The following PLCB1 variants were observed in gnomAD, a reference collection of about 807,000 sequenced individuals.
PLCB1 encodes the protein 1-phosphatidylinositol 4,5-bisphosphate phosphodiesterase beta-1.
Under a neutral mutation model 161.8 loss-of-function variants are expected in PLCB1, and 46 were observed. The ratio of observed to expected loss-of-function variants is 0.28; its 90% CI spans 0.22 to 0.36. PLCB1 has a LOEUF of 0.36. Among genes scored for constraint, PLCB1 ranks in the 10% least tolerant of loss-of-function variants. The pLI, the probability that PLCB1 is intolerant of heterozygous loss-of-function variation, is 1.00. For synonymous variants in PLCB1, 517 were observed against 503.7 expected (o/e 1.03, Z -0.35); for missense variants, 1,016 against 1,472.5 (o/e 0.69, Z 5.07).
chr20:8,365,305 T>G (rs1986673755), intron 2 of PLCB1, among the ~76,000 whole-genome samples: 1 of 152,216 alleles, frequency 6.6e-6, no homozygotes, highest in Admixed American at 6.5e-5. Context: ...ATTTGCACTA[T>G]ATTAAATCTA....
chr20:8,539,856 C>G (rs1985237753), intron 3 of PLCB1, among the ~76,000 whole-genome samples: 1 of 151,360 alleles, frequency 6.6e-6, no homozygotes, highest in South Asian at 2.1e-4. Context: ...ATAAAACACA[C>G]TGGTGGAAAT....
rs765432053 is a variant in PLCB1 at position 8,722,441 on chromosome 20, G to T, written c.1581+20G>T. ...GATGAGGTGGGTACTTAGGGCTTCT[G>T]GTCCCTAAGGCATTCCACCACCCTG... is the stretch of plus-strand genomic sequence containing the variant. On this transcript the variant is annotated intron_variant, in intron 15 of 31. Transcript: ENST00000338037. The T allele has an allele frequency of 3.8e-6, 6 of 1,574,554 alleles. No homozygotes were observed. The South Asian group carries it at 6.8e-5, about 18-fold the overall frequency.
At position 8,539,659 on chromosome 20, in the gene PLCB1, T is replaced by G. The variant is rs534668011; in HGVS notation, c.247-88635T>G. Among the ~76,000 whole-genome samples the G allele has an allele frequency of 4.3e-5, 4 of 93,906 alleles. No homozygotes were observed. In the South Asian group the frequency reaches 1.6e-3, roughly 38 times the overall value. The allele number at this position is 93,906 out of a possible 152,430, so 61.6% of individuals were successfully genotyped here. ...TTCTTTCTTTCTTTCTTTCTTTCTTTCTTTCTTTCTTTCTTTCTTTCTTTC... is the reference window on the plus strand; with the variant it reads ...TTCTTTCTTTCTTTCTTTCTTTCTTGCTTTCTTTCTTTCTTTCTTTCTTTC... On this transcript the variant is annotated intron_variant, in intron 3 of 31. Coordinates refer to ENST00000338037, the MANE Select transcript of PLCB1 (RefSeq NM_015192.4).
At chr20:8,776,121 A>C (rs2146205529) in intron 27 of PLCB1, among the ~76,000 whole-genome samples, 1 of 152,310 alleles carries the variant, frequency 6.6e-6, no homozygotes, top group South Asian at 2.1e-4. Context: ...GAACATAATA[A>C]AAATTAAAAT....
intron 3 of PLCB1, among the ~76,000 whole-genome samples, chr20:8,420,382 A>G (rs1979488676): frequency 6.6e-6 from 1 of 152,216 alleles, no homozygotes; most frequent in Non-Finnish European, 1.5e-5. Flanking sequence ...ATAAATACAT[A>G]TATTTTTTAA....
chr20:8,570,697 G>A (rs2103653), intron 3 of PLCB1, among the ~76,000 whole-genome samples: 5,491 of 88,306 alleles, frequency 0.062, 42 homozygotes, highest in Middle Eastern at 0.083. Context: ...CTGATCTCAC[G>A]GAGCTGAAAT....
At chr20:8,276,974 C>A (rs373051617) in intron 2 of PLCB1, among the ~76,000 whole-genome samples, 4,848 of 100,318 alleles carry the variant, frequency 0.048, 135 homozygotes, top group Middle Eastern at 0.091. Context: ...TCTTCTTCTT[C>A]TTCTTCTTCT....
chr20:8,868,484 A>G (rs1987502749), intron 31 of PLCB1, among the ~76,000 whole-genome samples: 1 of 152,244 alleles, frequency 6.6e-6, no homozygotes, highest in Admixed American at 6.5e-5. Flanking sequence ...TGAAAGGAAA[A>G]CACATTGGAA....
chr20:8,371,980 T>C (rs1485373431), intron 3 of PLCB1: 1 of 152,274 alleles, frequency 6.6e-6, no homozygotes, highest in Non-Finnish European at 1.5e-5. Flanking sequence ...ACTGAAGAAA[T>C]ATTCAAAGAA....
chr20:8,309,621 A>G (rs1468144703), intron 2 of PLCB1, among the ~76,000 whole-genome samples: 1 of 152,186 alleles, frequency 6.6e-6, no homozygotes, highest in East Asian at 1.9e-4. Context: ...TAAGTCTCCT[A>G]GTTCAGAATC....
chr20:8,662,824 T>G (rs1194289646), intron 9 of PLCB1, among the ~76,000 whole-genome samples: 1 of 151,840 alleles, frequency 6.6e-6, no homozygotes. Context: ...GATTTCTTCC[T>G]GTAGGGGACA....
chr20:8,448,019 C>T (rs1290630434), intron 3 of PLCB1, among the ~76,000 whole-genome samples: 1 of 152,194 alleles, frequency 6.6e-6, no homozygotes, highest in Admixed American at 6.5e-5. Context: ...ATTGACAATC[C>T]TACATATATT....
intron 31 of PLCB1, among the ~76,000 whole-genome samples, chr20:8,846,798 A>G (rs1986705302): frequency 6.6e-6 from 1 of 152,196 alleles, no homozygotes; most frequent in Non-Finnish European, 1.5e-5. Flanking sequence ...GGCCAGGGCA[A>G]GTCTGCTTCC....
chr20:8,373,493 C>A (rs1275463369), intron 3 of PLCB1, among the ~76,000 whole-genome samples: 13 of 152,106 alleles, frequency 8.5e-5, no homozygotes, highest in Non-Finnish European at 1.5e-5. Context: ...ATGGAATTAC[C>A]TGGGAAACTT....
chr20:8,453,911 G>T (rs1001544150), intron 3 of PLCB1, among the ~76,000 whole-genome samples: 1 of 152,042 alleles, frequency 6.6e-6, no homozygotes, highest in African/African-American at 2.4e-5. Flanking sequence ...AGTAATTAAG[G>T]TTAAATGAGG....
chr20:8,685,134 C>T (rs549955602), intron 10 of PLCB1, 56 bp downstream of exon 10: 1 of 1,504,934 alleles, frequency 6.6e-7, no homozygotes, highest in African/African-American at 1.4e-5. Context: ...TTTCACCAAC[C>T]TCTACTTTCT....
At chr20:8,790,339 A>G in intron 31 of PLCB1, 78 bp downstream of exon 31, 2 of 1,054,424 alleles carry the variant, frequency 1.9e-6, no homozygotes, top group Non-Finnish European at 2.9e-6. Flanking sequence ...CCTGGTTTAC[A>G]TAAGTACCTT....
At chr20:8,225,124 A>G (rs1979617261) in intron 2 of PLCB1, among the ~76,000 whole-genome samples, 2 of 152,180 alleles carry the variant, frequency 1.3e-5, no homozygotes, top group South Asian at 4.1e-4. Flanking sequence ...ACATCCTATC[A>G]TTTCATCCAT....
chr20:8,744,767 A>G (rs529438187), intron 23 of PLCB1, among the ~76,000 whole-genome samples: 2 of 152,242 alleles, frequency 1.3e-5, no homozygotes, highest in South Asian at 2.1e-4. Context: ...GGTGCTTCAG[A>G]GATCATTTCT....
Sources: gnomAD v4.1 joint callset for allele counts (sites outside exome capture counted in the v4.1 genomes callset) on GRCh38, gnomAD v4.1.1 for gene constraint, MANE v1.5 for transcripts, NCBI Gene and HGNC (gene_info 2026-07-23, HGNC 2026-07-21) for gene names.